The following CYGB variants were observed in gnomAD, a reference collection of about 807,000 sequenced individuals.
CYGB encodes cytoglobin.
In CYGB, 13 loss-of-function variants were observed where a neutral mutation model predicts 20.7. That is an observed-to-expected ratio of 0.63 (90% confidence interval 0.41 to 1.00). The LOEUF (loss-of-function observed/expected upper bound fraction) is 1.00, where lower values mean the gene tolerates loss of function less well. Ranked by LOEUF, CYGB falls within the 50% of genes least tolerant of loss-of-function variation. The pLI is 0.00. For missense variants in CYGB, 218 were observed against 257.2 expected, an observed-to-expected ratio of 0.85 and a Z score of 1.04; for synonymous variants, 93 against 107.4, an observed-to-expected ratio of 0.87 and a Z score of 0.83.
intron 1 of CYGB, chr17:76,545,211 T>C: frequency 6.6e-6 from 3 of 456,776 alleles, no homozygotes; most frequent in South Asian, 4.6e-5. Context: ...TTGCAGCTCC[T>C]GCTGCAGAAA....
In CYGB at chr17:76,537,430, C is replaced by T. The variant is rs755137339; in HGVS notation, c.113G>A (p.Cys38Tyr). 6.3e-7 allele frequency: 1 copy of T among 1,598,922 alleles called. No individual in the cohort carries two copies. Among genetic ancestry groups the T allele is most frequent in the Non-Finnish European group, 8.5e-7 (1 of 1,173,040 alleles). ...QAMWARLYAN[C>Y]EDVGVAILVR... ...CAGGATGGCCACCCCCACGTCCTCG[C>T]AGTTGGCATAGAGCCGGGCCCACAT... is the stretch of plus-strand genomic sequence containing the variant. Residue 38 changes from cysteine (C) to tyrosine (Y), a missense_variant, in exon 1 of 4, where the codon TGC becomes TAC. Coordinates refer to ENST00000293230, the MANE Select transcript of CYGB (RefSeq NM_134268.5).
intron 1 of CYGB, among the ~76,000 whole-genome samples, chr17:76,549,499 T>A: frequency 6.6e-6 from 1 of 152,186 alleles, no homozygotes; most frequent in East Asian, 1.9e-4. Flanking sequence ...GTCCAAGATG[T>A]CACCCTGTCA....
upstream of CYGB, chr17:76,540,547 G>T: frequency 1.2e-6 from 2 of 1,613,586 alleles, no homozygotes; most frequent in South Asian, 2.2e-5. This position sits in a 1 kb window ranked among gnomAD's most constrained non-coding sequence, Gnocchi z 5.0. Flanking sequence ...GCAGCAGCTT[G>T]GATGCGGACC....
intron 1 of CYGB, chr17:76,544,167 G>A (rs1194423414): frequency 2.2e-6 from 1 of 454,536 alleles, no homozygotes; most frequent in Non-Finnish European, 4.4e-6. Context: ...TGCTCCTGAT[G>A]TCTCACAGCT....
At chr17:76,545,338 C>G (rs1470902670) in intron 1 of CYGB, 1 of 456,616 alleles carries the variant, frequency 2.2e-6, no homozygotes, top group Non-Finnish European at 4.4e-6. Context: ...AAGGGTGGAC[C>G]TTTAAATGGG....
chr17:76,534,282 TTCTCCTG>T (rs2074889797), intron 1 of CYGB, among the ~76,000 whole-genome samples: 1 of 152,012 alleles, frequency 6.6e-6, no homozygotes, highest in Non-Finnish European at 1.5e-5. Flanking sequence ...GTTCAAGGGA[TTCTCCTG>T]TCTCAGCCTC....
intron 1 of CYGB, 21 bp downstream of exon 1, chr17:76,537,379 G>A: frequency 1.9e-6 from 3 of 1,575,132 alleles, no homozygotes; most frequent in South Asian, 1.1e-5. Flanking sequence ...CCAGGGCCCG[G>A]CCGGGCCGGG....
chr17:76,541,255 A>G (rs968980714), upstream of CYGB, among the ~76,000 whole-genome samples: 1 of 152,226 alleles, frequency 6.6e-6, no homozygotes, highest in African/African-American at 2.4e-5. Flanking sequence ...TGAAGTTCCC[A>G]TGCATGAGGG....
At chr17:76,541,919 G>T (rs1486946093), upstream of CYGB, among the ~76,000 whole-genome samples, 1 of 152,224 alleles carries the variant, frequency 6.6e-6, no homozygotes, top group Non-Finnish European at 1.5e-5. Context: ...GGTGCAGAGT[G>T]ATTGCTCCAT....
intron 1 of CYGB, among the ~76,000 whole-genome samples, chr17:76,534,491 T>G (rs2074893016): frequency 6.6e-6 from 1 of 152,262 alleles, no homozygotes; most frequent in African/African-American, 2.4e-5. Context: ...TTATTGTATT[T>G]AATTGCCACA....
At position 76,531,422 on chromosome 17, in the gene CYGB, T is replaced by C; in HGVS notation, c.375+38A>G. On this transcript the variant is annotated intron_variant, in intron 2 of 3. Transcript: ENST00000293230. This position sits in a 1 kb window ranked among gnomAD's most constrained non-coding sequence, Gnocchi z 7.4. Reference sequence around the variant, plus strand: ...GCGAGCTGCAGATGGCCATGACGCGTGGGCGGTGGGGGCTCTGCAGCAGAT... The same window carrying C: ...GCGAGCTGCAGATGGCCATGACGCGCGGGCGGTGGGGGCTCTGCAGCAGAT... 1 of 1,587,548 alleles carries C rather than the reference T, an allele frequency of 6.3e-7. No homozygotes were observed. The highest frequency in any genetic ancestry group is 8.6e-7 in the Non-Finnish European group (1 of 1,158,914).
upstream of CYGB, chr17:76,538,384 C>T (rs1355094126): frequency 7.8e-6 from 3 of 386,922 alleles, no homozygotes; most frequent in Non-Finnish European, 1.6e-5. Flanking sequence ...TTGAGCGCAC[C>T]TCCGACCTCG....
rs115862296 is a variant in CYGB at position 76,547,684 on chromosome 17, C to T, written c.-53+3178G>A. On this transcript the variant is annotated intron_variant, in intron 1 of 3. Transcript: ENST00000589145. ...ACACATATTCACACACAGAGACACC[C>T]ACATTCACACACACAGACACACACA... Among the ~76,000 whole-genome samples, 1,101 of 151,180 alleles carry T rather than the reference C, an allele frequency of 7.3e-3. 19 individuals carry two copies. The highest frequency in any genetic ancestry group is 0.025 in the African/African-American group (1,047 of 41,112).
At chr17:76,535,412 A>G (rs1208435660) in intron 1 of CYGB, among the ~76,000 whole-genome samples, 1 of 152,188 alleles carries the variant, frequency 6.6e-6, no homozygotes, top group Non-Finnish European at 1.5e-5. Context: ...AGGAGCCCTT[A>G]TCCCCCTTTC....
exon 1 of CYGB, chr17:76,550,866 C>T (rs1307181012): frequency 1.3e-5 from 2 of 152,206 alleles, no homozygotes; most frequent in East Asian, 1.9e-4. Context: ...GCTTACCTTG[C>T]GCCAGGCGCT....
intron 1 of CYGB, among the ~76,000 whole-genome samples, chr17:76,547,768 A>C (rs867720987): frequency 5.9e-5 from 9 of 151,414 alleles, no homozygotes; most frequent in African/African-American, 1.9e-4. Flanking sequence ...TACCTATACA[A>C]ACATATAATA....
Position 76,531,341 on chromosome 17 carries a change from T to G in CYGB, c.375+119A>C. The G allele has an allele frequency of 1.5e-6, 2 of 1,334,526 alleles. No individual in the cohort carries two copies. Among genetic ancestry groups the G allele is most frequent in the South Asian group, 2.8e-5 (2 of 71,522 alleles). 82.7% of individuals were successfully genotyped at this position (1,334,526 alleles called of 1,614,324 possible). ...CCTGCTGCCGGGCACTGCCCCTCCCTCTCGCAGCCACTCCGGGGATCACCT... is the reference window on the plus strand; with the variant it reads ...CCTGCTGCCGGGCACTGCCCCTCCCGCTCGCAGCCACTCCGGGGATCACCT... On this transcript the variant is annotated intron_variant, in intron 2 of 3. Coordinates refer to ENST00000293230, the MANE Select transcript of CYGB (RefSeq NM_134268.5). This position sits in a 1 kb window ranked among gnomAD's most constrained non-coding sequence, Gnocchi z 7.4.
Position 76,543,469 on chromosome 17 carries a change from C to A in CYGB, c.-53+7393G>T, listed in dbSNP as rs1415265985. On this transcript the variant is annotated intron_variant, in intron 1 of 3. Coordinates refer to the CYGB transcript ENST00000589145. Reference sequence around the variant, plus strand: ...GCTTCCATTCATTCTGTAATTTAATCTTCAGTCACCCACAGAGCCTGGTAA... The same window carrying A: ...GCTTCCATTCATTCTGTAATTTAATATTCAGTCACCCACAGAGCCTGGTAA... 8.8e-6 allele frequency: 3 copies of A among 341,110 alleles called. No individual in the cohort carries two copies. The East Asian group carries it at 2.3e-4, about 26-fold the overall frequency. The allele number at this position is 341,110 out of a possible 1,614,324, so 21.1% of individuals were successfully genotyped here.
chr17:76,528,126 A>G lies in CYGB; in HGVS notation c.*452T>C. ...ATTCTAGATATGTATGTGTGTATAT[A>G]TATATGTATATATATATTTATATAT... is the stretch of plus-strand genomic sequence containing the variant. On this transcript the variant is annotated 3_prime_UTR_variant, in exon 4 of 4. Transcript: ENST00000293230. The surrounding 1 kb of genome is among the most constrained non-coding windows in gnomAD (Gnocchi z 5.8). 1 of 319,486 alleles carries G rather than the reference A, an allele frequency of 3.1e-6. No individual in the cohort carries two copies. The highest frequency in any genetic ancestry group is 5.5e-6 in the Non-Finnish European group (1 of 180,596). 19.8% of individuals were successfully genotyped at this position (319,486 alleles called of 1,614,324 possible).
Sources: gnomAD v4.1 joint callset for allele counts (sites outside exome capture counted in the v4.1 genomes callset) on GRCh38, gnomAD v4.1.1 for gene constraint, Gnocchi (gnomAD v3.1) non-coding constraint, MANE v1.5 for transcripts, NCBI Gene and HGNC (gene_info 2026-07-23, HGNC 2026-07-21) for gene names.